TLN2: variants seen among roughly 807,000 people sequenced by gnomAD.
TLN2 encodes talin 2.
A neutral mutation model predicts 294.7 loss-of-function variants in TLN2; 118 were observed. The observed-to-expected ratio is 0.40, with a 90% confidence interval of 0.34 to 0.47. TLN2 has a LOEUF of 0.47. Ranked by LOEUF, TLN2 falls within the 20% of genes least tolerant of loss-of-function variation. The pLI, the probability that TLN2 is intolerant of heterozygous loss-of-function variation, is 0.84. For missense variants in TLN2, 3,083 were observed against 3,282.2 expected (o/e 0.94, Z 1.48); for synonymous variants, 1,431 against 1,304.5 (o/e 1.10, Z -2.09).
At chr15:62,464,999 C>CA (rs1025258089) in intron 1 of TLN2, among the ~76,000 whole-genome samples, 1 of 151,662 alleles carries the variant, frequency 6.6e-6, no homozygotes, top group African/African-American at 2.4e-5. Context: ...TGTGATTACT[C>CA]AGAGTTTTCA....
intron 1 of TLN2, among the ~76,000 whole-genome samples, chr15:62,433,960 G>T (rs1340413522): frequency 6.6e-6 from 1 of 152,142 alleles, no homozygotes; most frequent in Non-Finnish European, 1.5e-5. Flanking sequence ...CTGCACTCCA[G>T]CCTGGGTGAC....
chr15:62,811,447 C>G (rs191576465), intron 52 of TLN2, among the ~76,000 whole-genome samples: 124 of 152,322 alleles, frequency 8.1e-4, no homozygotes, highest in Non-Finnish European at 1.6e-3. Flanking sequence ...GTAACACCAG[C>G]AAGGCTTTCC....
chr15:62,522,421 T>G (rs1567054695), intron 1 of TLN2, among the ~76,000 whole-genome samples: 1 of 152,174 alleles, frequency 6.6e-6, no homozygotes, highest in Non-Finnish European at 1.5e-5. Context: ...TGGTGGTCCA[T>G]TCTCGTGGAT....
At chr15:62,557,416 T>A (rs910585450) in intron 1 of TLN2, among the ~76,000 whole-genome samples, 1 of 152,210 alleles carries the variant, frequency 6.6e-6, no homozygotes, top group Non-Finnish European at 1.5e-5. Flanking sequence ...ACACACAAGA[T>A]GTGTGATGTG....
At chr15:62,788,437 G>A (rs1288941718) in intron 45 of TLN2, among the ~76,000 whole-genome samples, 1 of 152,194 alleles carries the variant, frequency 6.6e-6, no homozygotes, top group Admixed American at 6.5e-5. Flanking sequence ...GCTGTTCCAT[G>A]TGCCTCTGCA....
In TLN2 at chr15:62,657,852, C is replaced by T; in HGVS notation, c.742C>T (p.Gln248Ter). 6 of 1,613,952 alleles carry T rather than the reference C, an allele frequency of 3.7e-6. No individual in the cohort carries two copies. The highest frequency in any genetic ancestry group is 5.1e-6 in the Non-Finnish European group (6 of 1,179,930). Reference sequence around the variant, plus strand: ...GTTTGGTGGATTTCAAGCCCAGATACAATTTGGACCTCATGTGGAACATAA... The same window carrying T: ...GTTTGGTGGATTTCAAGCCCAGATATAATTTGGACCTCATGTGGAACATAA... ...CEFGGFQAQI[Q>*]FGPHVEHKHK... Residue 248 changes from glutamine to a stop codon, truncating the protein, a stop_gained, in exon 9 of 59, where the codon CAA becomes TAA. Coordinates refer to ENST00000636159, the MANE Select transcript of TLN2 (RefSeq NM_015059.3). LOFTEE classifies it high-confidence loss of function.
chr15:62,809,464 A>G (rs1490029753), intron 51 of TLN2, among the ~76,000 whole-genome samples: 3 of 152,172 alleles, frequency 2.0e-5, no homozygotes, highest in African/African-American at 7.2e-5. Context: ...CAGCATGGTC[A>G]GGCCCAGGGG....
chr15:62,570,542 C>G (rs1027945605), intron 1 of TLN2, among the ~76,000 whole-genome samples: 10 of 152,040 alleles, frequency 6.6e-5, no homozygotes, highest in Non-Finnish European at 1.3e-4. Context: ...CTTTCTTTGT[C>G]CCACTCTCTC....
intron 1 of TLN2, among the ~76,000 whole-genome samples, chr15:62,585,562 G>C (rs1430487464): frequency 6.6e-6 from 1 of 152,092 alleles, no homozygotes; most frequent in African/African-American, 2.4e-5. Flanking sequence ...TTGGTGACAG[G>C]CATTTTAGGT....
chr15:62,738,713 G>A (rs913526003), intron 30 of TLN2, among the ~76,000 whole-genome samples: 2 of 152,142 alleles, frequency 1.3e-5, no homozygotes, highest in Non-Finnish European at 2.9e-5. Flanking sequence ...CTTGGGGCCT[G>A]TTCCCTTCCC....
chr15:62,603,849 C>CTATGGATTTTGCAATG (rs1360455159), intron 2 of TLN2, among the ~76,000 whole-genome samples: 1 of 152,160 alleles, frequency 6.6e-6, no homozygotes, highest in Non-Finnish European at 1.5e-5. Context: ...ACCTGTATTG[C>CTATGGATTTTGCAATG]TAGGCCAAAG....
At chr15:62,402,374 T>C (rs1173089293) in intron 1 of TLN2, among the ~76,000 whole-genome samples, 1 of 152,196 alleles carries the variant, frequency 6.6e-6, no homozygotes, top group Admixed American at 6.5e-5. Flanking sequence ...TCTTATTGCC[T>C]CTAGTACTTG....
At chr15:62,396,931 T>C (rs1028736758) in intron 1 of TLN2, among the ~76,000 whole-genome samples, 1 of 152,146 alleles carries the variant, frequency 6.6e-6, no homozygotes, top group Non-Finnish European at 1.5e-5. Context: ...TCTGGAACTC[T>C]TGGGCTCAGG....
chr15:62,692,926 C>A lies in TLN2; in HGVS notation c.1200C>A (p.Asp400Glu), dbSNP rs1427200381. 6.2e-7 allele frequency: 1 copy of A among 1,611,194 alleles called. No homozygotes were observed. Among genetic ancestry groups the A allele is most frequent in the Non-Finnish European group, 8.5e-7 (1 of 1,178,768 alleles). ...CCCAGCTGATTGCAGGCTACATTGA[C>A]ATCATCCTGAAAAAGGTATTTTGTA... Reference protein sequence around the residue: ...QISQLIAGYIDIILKKKQSKD... With the variant: ...QISQLIAGYIEIILKKKQSKD... The change falls in exon 13 of 59, where the codon GAC becomes GAA. Residue 400 changes from aspartate (D) to glutamate (E), a missense_variant. Transcript: ENST00000636159.
chr15:62,718,364 G>T (rs867025258), intron 24 of TLN2, among the ~76,000 whole-genome samples: 1 of 152,220 alleles, frequency 6.6e-6, no homozygotes, highest in African/African-American at 2.4e-5. Flanking sequence ...TGTCCTGGAA[G>T]TATTTGCAGC....
intron 1 of TLN2, among the ~76,000 whole-genome samples, chr15:62,542,412 G>C (rs183107876): frequency 2.0e-5 from 3 of 152,074 alleles, no homozygotes; most frequent in Non-Finnish European, 4.4e-5. Context: ...GGATGGTCTC[G>C]ATCTCCTGAC....
At chr15:62,541,205 T>C (rs762150692) in intron 1 of TLN2, among the ~76,000 whole-genome samples, 12 of 152,324 alleles carry the variant, frequency 7.9e-5, no homozygotes, top group Non-Finnish European at 1.3e-4. Flanking sequence ...TACTTTTGTA[T>C]ATGTTTAAAA....
chr15:62,414,163 ACTATATATAT>A lies in TLN2; in HGVS notation c.-238+23479_-238+23488del, dbSNP rs1308106093. Among the ~76,000 whole-genome samples the A allele has an allele frequency of 3.2e-4, 12 of 37,368 alleles. 4 individuals are homozygous for A. The highest frequency in any genetic ancestry group is 6.1e-3 in the East Asian group (2 of 326). The allele number at this position is 37,368 out of a possible 152,430, so 24.5% of individuals were successfully genotyped here. On this transcript the variant is annotated intron_variant, in intron 1 of 58. Coordinates refer to ENST00000636159, the MANE Select transcript of TLN2 (RefSeq NM_015059.3). ...CAGTGAAGTGTTAGCAAAAAAAAAA[ACTATATATAT>A]ATATATATATATATATATAATTTGA...
intron 1 of TLN2, among the ~76,000 whole-genome samples, chr15:62,504,837 G>C (rs2039504512): frequency 1.4e-5 from 2 of 144,968 alleles, no homozygotes; most frequent in East Asian, 1.9e-4. Flanking sequence ...GTGTGTGTGT[G>C]TGTGTGTGTG....
Sources: gnomAD v4.1 joint callset for allele counts (sites outside exome capture counted in the v4.1 genomes callset) on GRCh38, gnomAD v4.1.1 for gene constraint, MANE v1.5 for transcripts, NCBI Gene and HGNC (gene_info 2026-07-23, HGNC 2026-07-21) for gene names.